CCDC178: variants seen among roughly 807,000 people sequenced by gnomAD.
The protein encoded by CCDC178 is coiled-coil domain-containing protein 178.
CCDC178 carries 126 observed loss-of-function variants against 117.4 expected under a neutral mutation model. The observed-to-expected ratio is 1.07, with a 90% confidence interval of 0.93 to 1.24. CCDC178 has a LOEUF of 1.24. CCDC178 is among the 50% of genes most tolerant of loss of function. The pLI is 0.00. For missense variants in CCDC178, 1,030 were observed against 986.9 expected, an observed-to-expected ratio of 1.04 and a Z score of -0.59; for synonymous variants, 283 against 313.4, an observed-to-expected ratio of 0.90 and a Z score of 1.02.
chr18:33,063,716 T>C (rs2056968087), intron 21 of CCDC178, among the ~76,000 whole-genome samples: 1 of 152,138 alleles, frequency 6.6e-6, no homozygotes, highest in Non-Finnish European at 1.5e-5. Context: ...TAGGTAGTCA[T>C]ATACCAAGGA....
chr18:32,952,842 C>T (rs965128053), intron 22 of CCDC178, among the ~76,000 whole-genome samples: 2 of 147,694 alleles, frequency 1.4e-5, no homozygotes, highest in Non-Finnish European at 3.0e-5. Flanking sequence ...GGCATGATCT[C>T]GGCTCACTGC....
chr18:32,964,452 C>G (rs922646000), intron 22 of CCDC178, among the ~76,000 whole-genome samples: 2 of 151,734 alleles, frequency 1.3e-5, no homozygotes, highest in African/African-American at 4.8e-5. Context: ...GTCACCAGTT[C>G]CTGAAGGGAA....
chr18:33,160,716 G>C lies in CCDC178; in HGVS notation c.2238+51180C>G, dbSNP rs559709061. On this transcript the variant is annotated intron_variant, in intron 20 of 22. Coordinates refer to ENST00000383096, the MANE Select transcript of CCDC178 (RefSeq NM_001105528.4). The stretch of plus-strand genomic sequence containing the variant: ...ACTACCATTCCTGGATCTGGTTCCA[G>C]TCAAAGAAGCATCTTGGTTTAAGTG... Among the ~76,000 whole-genome samples the C allele has an allele frequency of 4.6e-5, 7 of 152,188 alleles. No homozygotes were observed. In the South Asian group the frequency reaches 1.4e-3, roughly 32 times the overall value.
At chr18:33,181,038 G>A (rs891863818) in intron 20 of CCDC178, among the ~76,000 whole-genome samples, 10 of 151,848 alleles carry the variant, frequency 6.6e-5, no homozygotes, top group East Asian at 1.9e-4. Context: ...CTAGTTCAGC[G>A]AATTTCCTTG....
At chr18:33,097,220 A>C (rs1191098648) in intron 20 of CCDC178, among the ~76,000 whole-genome samples, 3 of 152,102 alleles carry the variant, frequency 2.0e-5, no homozygotes, top group African/African-American at 7.2e-5. Context: ...CTTTGAGGGC[A>C]TTCACCCTTG....
intron 3 of CCDC178, among the ~76,000 whole-genome samples, chr18:33,407,771 A>G (rs1354190349): frequency 6.6e-6 from 1 of 152,010 alleles, no homozygotes; most frequent in African/African-American, 2.4e-5. Flanking sequence ...AGTAGTACTA[A>G]GGCCAATAAA....
intron 20 of CCDC178, among the ~76,000 whole-genome samples, chr18:33,122,238 G>A (rs942358418): frequency 6.6e-6 from 1 of 152,084 alleles, no homozygotes; most frequent in Non-Finnish European, 1.5e-5. Context: ...TCTCCTTGCT[G>A]GGGATGACTG....
chr18:33,395,198 T>C (rs2063619481), intron 4 of CCDC178, among the ~76,000 whole-genome samples: 1 of 151,344 alleles, frequency 6.6e-6, no homozygotes, highest in South Asian at 2.1e-4. Context: ...AGACAAAATT[T>C]AAGTGATTCG....
chr18:33,333,950 A>G (rs2062707412), intron 9 of CCDC178, among the ~76,000 whole-genome samples: 1 of 152,214 alleles, frequency 6.6e-6, no homozygotes, highest in South Asian at 2.1e-4. Flanking sequence ...TGGTCAATGT[A>G]TATTCTGACC....
intron 21 of CCDC178, among the ~76,000 whole-genome samples, chr18:33,045,299 T>C (rs1347008556): frequency 6.6e-6 from 1 of 152,330 alleles, no homozygotes; most frequent in Middle Eastern, 3.4e-3. Flanking sequence ...GTGCTTAATA[T>C]ATGACCTACC....
chr18:33,062,597 A>C (rs2056942301), intron 21 of CCDC178, among the ~76,000 whole-genome samples: 1 of 152,172 alleles, frequency 6.6e-6, no homozygotes, highest in Non-Finnish European at 1.5e-5. Flanking sequence ...AGCAGTCTAT[A>C]GTTTCACCAT....
intron 9 of CCDC178, 118 bp from the exon 10 acceptor site, chr18:33,333,512 T>A: frequency 2.0e-6 from 1 of 512,616 alleles, no homozygotes; most frequent in African/African-American, 2.1e-5. Flanking sequence ...ACTACTTTTT[T>A]TTTTTTTTTT....
chr18:33,173,502 G>T (rs1017881122), intron 20 of CCDC178, among the ~76,000 whole-genome samples: 10 of 152,122 alleles, frequency 6.6e-5, no homozygotes, highest in African/African-American at 2.4e-4. Context: ...AAGAAAAGCT[G>T]CCATAAAAAA....
At chr18:33,253,712 A>T (rs1431566415) in intron 14 of CCDC178, among the ~76,000 whole-genome samples, 1 of 151,876 alleles carries the variant, frequency 6.6e-6, no homozygotes, top group Non-Finnish European at 1.5e-5. Context: ...ACATGTCAGA[A>T]ATAAGAATCA....
At chr18:33,082,101 G>C (rs1293265025) in intron 21 of CCDC178, among the ~76,000 whole-genome samples, 1 of 152,152 alleles carries the variant, frequency 6.6e-6, no homozygotes, top group Non-Finnish European at 1.5e-5. Context: ...TTAGTGTCTA[G>C]TGAATTAGTT....
intron 20 of CCDC178, among the ~76,000 whole-genome samples, chr18:33,194,700 T>C (rs1332994895): frequency 6.6e-6 from 1 of 152,074 alleles, no homozygotes; most frequent in Non-Finnish European, 1.5e-5. Context: ...ACAGTTGATA[T>C]GATGATGATC....
chr18:33,170,098 A>G (rs921525802), intron 20 of CCDC178, among the ~76,000 whole-genome samples: 4 of 151,898 alleles, frequency 2.6e-5, no homozygotes, highest in Non-Finnish European at 1.5e-5. Context: ...TGTGTGTGAA[A>G]TGGCTCCTTC....
intron 20 of CCDC178, among the ~76,000 whole-genome samples, chr18:33,182,967 A>G (rs2058747935): frequency 6.6e-6 from 1 of 152,008 alleles, no homozygotes; most frequent in Non-Finnish European, 1.5e-5. Flanking sequence ...TTATTACATC[A>G]CACCAATACT....
At chr18:33,100,957 T>C (rs1339637148) in intron 20 of CCDC178, among the ~76,000 whole-genome samples, 1 of 151,974 alleles carries the variant, frequency 6.6e-6, no homozygotes, top group Non-Finnish European at 1.5e-5. Context: ...ATATCCCCAA[T>C]GATGTTTTCT....
Sources: allele counts gnomAD v4.1 joint callset (sites outside exome capture counted in the v4.1 genomes callset), GRCh38; gene constraint gnomAD v4.1.1; transcripts MANE v1.5; gene names NCBI Gene and HGNC (gene_info 2026-07-23, HGNC 2026-07-21).